TPR: variants seen among roughly 807,000 people sequenced by gnomAD.
TPR encodes the protein nucleoprotein TPR.
TPR carries 51 observed loss-of-function variants against 316.1 expected under a neutral mutation model. The ratio of observed to expected loss-of-function variants is 0.16; its 90% confidence interval spans 0.13 to 0.20. The LOEUF is 0.20. Ranked by LOEUF, TPR falls within the 10% of genes least tolerant of loss-of-function variation. The pLI is 1.00. For missense variants in TPR, 2,272 were observed against 2,754.8 expected (o/e 0.82, Z 3.92); for synonymous variants, 981 against 914.7 (o/e 1.07, Z -1.31).
chr1:186,352,250 A>G, intron 18 of TPR, 140 bp from the exon 19 acceptor site: 1 of 698,522 alleles, frequency 1.4e-6, no homozygotes, highest in Non-Finnish European at 2.0e-6. Flanking sequence ...TGTATAAGGA[A>G]ATACAAAACA....
At chr1:186,360,403 T>A in intron 10 of TPR, 39 bp from the exon 11 acceptor site, 1 of 1,600,332 alleles carries the variant, frequency 6.2e-7, no homozygotes, top group Non-Finnish European at 8.5e-7. Flanking sequence ...ATTTGTAAAA[T>A]TCCAAACTAA....
At chr1:186,370,164 C>T (rs72713757) in intron 3 of TPR, among the ~76,000 whole-genome samples, 19,315 of 152,038 alleles carry the variant, frequency 0.13, 1,550 homozygotes, top group Non-Finnish European at 0.18. Flanking sequence ...TAAATTGATA[C>T]TTCCTTTTTT....
chr1:186,340,874 TGTCAC>T (rs1658489806), intron 29 of TPR, among the ~76,000 whole-genome samples, 149 bp downstream of exon 29: 1 of 152,200 alleles, frequency 6.6e-6, no homozygotes, highest in Non-Finnish European at 1.5e-5. Context: ...GTTTAACATC[TGTCAC>T]GTATTTACAT....
At chr1:186,326,367 G>T in intron 40 of TPR, 132 bp from the exon 41 acceptor site, 1 of 1,382,134 alleles carries the variant, frequency 7.2e-7, no homozygotes, top group Non-Finnish European at 9.7e-7. Flanking sequence ...AGAGTTGTAT[G>T]GGATTAGTAC....
chr1:186,363,273 T>G, intron 5 of TPR, 69 bp downstream of exon 5: 2 of 1,323,206 alleles, frequency 1.5e-6, no homozygotes, highest in Non-Finnish European at 2.1e-6. Flanking sequence ...TGCCTATATT[T>G]GAAATTTAAT....
chr1:186,365,385 C>G lies in TPR; in HGVS notation c.428-1940G>C, dbSNP rs751528662. Among the ~76,000 whole-genome samples the G allele has an allele frequency of 4.0e-5, 6 of 149,644 alleles. No individual in the cohort carries two copies. The East Asian group carries it at 1.4e-3, about 34-fold the overall frequency. The stretch of plus-strand genomic sequence containing the variant: ...TGCTGGGATTATAGGCATGAGCCAC[C>G]GTACCTGGCCAAGGGGCTGCCTTTA... On this transcript the variant is annotated intron_variant, in intron 4 of 50. Coordinates refer to ENST00000367478, the MANE Select transcript of TPR (RefSeq NM_003292.3).
chr1:186,334,200 C>T, intron 36 of TPR, 125 bp downstream of exon 36: 1 of 997,346 alleles, frequency 1.0e-6, no homozygotes, highest in Non-Finnish European at 1.4e-6. Flanking sequence ...AAATATTAAA[C>T]ACCCATTTTT....
At chr1:186,351,930 T>A (rs1658873204) in intron 19 of TPR, 46 bp downstream of exon 19, 2 of 1,549,046 alleles carry the variant, frequency 1.3e-6, no homozygotes, top group East Asian at 4.7e-5. Context: ...AAAATCTAAA[T>A]TTAACTTTTA....
At chr1:186,314,276 T>A (rs1657503657) in intron 50 of TPR, 1 of 452,556 alleles carries the variant, frequency 2.2e-6, no homozygotes, top group Admixed American at 3.9e-5. Context: ...TAAAACATAA[T>A]CACAAAGCTT....
chr1:186,348,687 CCT>C (rs1354190420), intron 21 of TPR, among the ~76,000 whole-genome samples: 1 of 152,106 alleles, frequency 6.6e-6, no homozygotes, highest in Non-Finnish European at 1.5e-5. Flanking sequence ...CTGTAAAATT[CCT>C]CTCTTTGTAC....
At chr1:186,337,999 G>GTTTT in intron 31 of TPR, 34 bp downstream of exon 31, 1 of 1,458,568 alleles carries the variant, frequency 6.9e-7, no homozygotes, top group Non-Finnish European at 9.2e-7. Context: ...ATTCATCCTA[G>GTTTT]TTTTTTTTTG....
rs755322168 is a variant in TPR, at chr1:186,322,578, C to T, written c.6306G>A (p.Gln2102=). 6.2e-7 allele frequency: 1 copy of T among 1,614,014 alleles called. No individual in the cohort carries two copies. The highest frequency in any genetic ancestry group is 1.1e-5 in the South Asian group (1 of 91,068). ...GTCCTACAGACTGCCTTCGGGTCAT[C>T]TGAATTCTCTGCGTGTCAAGATAAA... The part of the protein sequence containing the change: ...QELGPPVQRI[Q]MTRRQSVGRG... Residue 2102 remains glutamine, a synonymous_variant, in exon 44 of 51, where the codon CAG becomes CAA. Coordinates refer to ENST00000367478, the MANE Select transcript of TPR (RefSeq NM_003292.3).
At chr1:186,327,183 AAATATATATTATATAT>A (rs1657991669) in intron 40 of TPR, among the ~76,000 whole-genome samples, 1 of 21,072 alleles carries the variant, frequency 4.7e-5, no homozygotes, top group African/African-American at 2.0e-4. Context: ...TTATATATAT[AAATATATATTATATAT>A]TTATATATAT....
chr1:186,361,480 A>G, intron 9 of TPR, 142 bp downstream of exon 9: 1 of 684,178 alleles, frequency 1.5e-6, no homozygotes, highest in Non-Finnish European at 2.3e-6. Context: ...TGAATTTCCT[A>G]ATCCAAAGTT....
chr1:186,346,222 C>A lies in TPR; in HGVS notation c.3009G>T (p.Gln1003His). ...RLKESAEFQT[Q>H]LEKKLMEVEK... is the part of the protein sequence containing the mutation. The stretch of plus-strand genomic sequence containing the variant: ...CTACTTCCATCAACTTCTTTTCCAA[C>A]TGTGTCTGAAATTCAGCTGACTCTT... The change falls in exon 23 of 51, where the codon CAG becomes CAT. Residue 1003 changes from glutamine to histidine, a missense_variant. By Grantham distance (24) the Gln-to-His change is conservative. Around this residue, in one of 10 missense-constraint regions of TPR, gnomAD observed 757 missense variants for 859.8 expected, o/e 0.88. Coordinates refer to ENST00000367478, the MANE Select transcript of TPR (RefSeq NM_003292.3). The A allele has an allele frequency of 1.9e-6, 3 of 1,613,332 alleles. No individual in the cohort carries two copies. Among genetic ancestry groups the A allele is most frequent in the Non-Finnish European group, 2.5e-6 (3 of 1,179,702 alleles).
At position 186,351,431 on chromosome 1, in the gene TPR, G is replaced by A. The variant is rs889852304; in HGVS notation, c.2509C>T (p.Leu837Phe). The A allele has an allele frequency of 8.1e-6, 13 of 1,610,526 alleles. No individual in the cohort carries two copies. The highest frequency in any genetic ancestry group is 1.6e-4 in the Middle Eastern group (1 of 6,078). ...ERSETETKQR[L>F]SSQIEKLEHE... ...TCCAGTTTTTCTATCTGGCTACTAA[G>A]CCTTTGTTTGGTTTCTGTTTCAGAT... Residue 837 changes from leucine to phenylalanine, a missense_variant, in exon 20 of 51, where the codon CTT becomes TTT. By Grantham distance (22) the Leu-to-Phe change is conservative. Coordinates refer to ENST00000367478, the MANE Select transcript of TPR (RefSeq NM_003292.3).
intron 36 of TPR, 41 bp downstream of exon 36, chr1:186,334,284 C>A (rs1558001757): frequency 6.6e-7 from 1 of 1,521,370 alleles, no homozygotes. Flanking sequence ...CATAATAAAT[C>A]TAAATAAGCA....
chr1:186,373,601 T>C (rs533231871), intron 1 of TPR, 138 bp from the exon 2 acceptor site: 1 of 496,996 alleles, frequency 2.0e-6, no homozygotes, highest in Non-Finnish European at 3.5e-6. Flanking sequence ...TAAGAGAATC[T>C]GAGTAAAGAT....
chr1:186,368,023 G>C (rs758046318), intron 3 of TPR, 41 bp from the exon 4 acceptor site: 1 of 1,427,826 alleles, frequency 7.0e-7, no homozygotes, highest in Non-Finnish European at 9.8e-7. Flanking sequence ...ATCAAGTAGA[G>C]CAATACAGGA....
Sources: gnomAD v4.1 joint callset for allele counts (sites outside exome capture counted in the v4.1 genomes callset) on GRCh38, gnomAD v4.1.1 for gene constraint, gnomAD v4.1.1 regional missense constraint, MANE v1.5 for transcripts, NCBI Gene and HGNC (gene_info 2026-07-23, HGNC 2026-07-21) for gene names.